The following NKAIN3 variants were observed in gnomAD, a reference collection of about 807,000 sequenced individuals.
NKAIN3 encodes the protein sodium/potassium-transporting ATPase subunit beta-1-interacting protein 3.
In NKAIN3, 25 loss-of-function variants were observed where a neutral mutation model predicts 30.2. The ratio of observed to expected loss-of-function variants is 0.83; its 90% CI spans 0.60 to 1.16. The LOEUF is 1.16. Among genes scored for constraint, NKAIN3 ranks in the 50% most tolerant of loss-of-function variants. NKAIN3 has a pLI of 0.00. For synonymous variants in NKAIN3, 91 were observed against 89.6 expected, an observed-to-expected ratio of 1.02 and a Z score of -0.09; for missense variants, 225 against 254.1, an observed-to-expected ratio of 0.89 and a Z score of 0.78.
intron 1 of NKAIN3, among the ~76,000 whole-genome samples, chr8:62,303,240 TA>T (rs1442096847): frequency 6.7e-6 from 1 of 150,276 alleles, no homozygotes; most frequent in Non-Finnish European, 1.5e-5. Flanking sequence ...TAGATAAACC[TA>T]ATAGCCCTGG....
At chr8:62,401,810 C>A (rs1488443566) in intron 1 of NKAIN3, among the ~76,000 whole-genome samples, 2 of 152,202 alleles carry the variant, frequency 1.3e-5, no homozygotes, top group African/African-American at 4.8e-5. Context: ...CTGAACTGAG[C>A]TTCTAGGGCT....
chr8:62,682,364 C>T (rs1813668818), intron 3 of NKAIN3, among the ~76,000 whole-genome samples: 1 of 152,142 alleles, frequency 6.6e-6, no homozygotes, highest in Non-Finnish European at 1.5e-5. Context: ...CATTTCTGGT[C>T]TCACAGGGGT....
intron 1 of NKAIN3, among the ~76,000 whole-genome samples, chr8:62,558,887 T>C (rs1477965877): frequency 6.6e-6 from 1 of 152,078 alleles, no homozygotes; most frequent in Non-Finnish European, 1.5e-5. Flanking sequence ...TGTTTTTGCT[T>C]TCATACAGTT....
intron 4 of NKAIN3, among the ~76,000 whole-genome samples, chr8:62,871,702 G>C (rs1162558996): frequency 6.6e-6 from 1 of 152,174 alleles, no homozygotes; most frequent in Admixed American, 6.5e-5. Context: ...AGGGAGCAGG[G>C]CATGGAACAG....
intron 4 of NKAIN3, among the ~76,000 whole-genome samples, chr8:62,862,586 G>A (rs1820285000): frequency 6.6e-6 from 1 of 151,950 alleles, no homozygotes; most frequent in South Asian, 2.1e-4. Context: ...CATGAAAAGA[G>A]TACTGAAAAT....
chr8:62,905,214 T>A (rs1321999711), intron 4 of NKAIN3, among the ~76,000 whole-genome samples: 1 of 151,614 alleles, frequency 6.6e-6, no homozygotes, highest in Non-Finnish European at 1.5e-5. Context: ...GGTGAGGGGG[T>A]CATGGGAAAG....
At chr8:62,713,090 T>A (rs1814773865) in intron 3 of NKAIN3, among the ~76,000 whole-genome samples, 1 of 152,154 alleles carries the variant, frequency 6.6e-6, no homozygotes, top group African/African-American at 2.4e-5. Flanking sequence ...GTCTCCTGGG[T>A]CATGCAGGAG....
intron 5 of NKAIN3, among the ~76,000 whole-genome samples, chr8:62,945,327 T>G (rs1773644852): frequency 6.6e-6 from 1 of 152,250 alleles, no homozygotes; most frequent in Admixed American, 6.5e-5. Context: ...AAGTTATTTT[T>G]AAACTACTAC....
chr8:62,347,986 T>A (rs1226185748), intron 1 of NKAIN3, among the ~76,000 whole-genome samples: 1 of 152,036 alleles, frequency 6.6e-6, no homozygotes, highest in Non-Finnish European at 1.5e-5. Context: ...TAAATGAACT[T>A]GAAGATATTA....
intron 4 of NKAIN3, among the ~76,000 whole-genome samples, chr8:62,904,009 G>T (rs1821695908): frequency 6.6e-6 from 1 of 152,192 alleles, no homozygotes; most frequent in Admixed American, 6.5e-5. Flanking sequence ...GGGAAACAGA[G>T]CCAAACCATA....
intron 4 of NKAIN3, among the ~76,000 whole-genome samples, chr8:62,814,777 C>A (rs189392241): frequency 3.3e-5 from 5 of 151,760 alleles, no homozygotes; most frequent in African/African-American, 1.2e-4. Context: ...CAAGAGAAAG[C>A]GGGAAAGATC....
chr8:62,965,633 A>AAAG lies in NKAIN3; in HGVS notation c.*228_*229insGAA, dbSNP rs1823691125. On this transcript the variant is annotated 3_prime_UTR_variant, in exon 7 of 7. Coordinates refer to ENST00000623646, the MANE Select transcript of NKAIN3 (RefSeq NM_001304533.3). ...ACTTGTAAGTTGTAAAAAAAAAAAA[A>AAAG]AAAGAAAAAACAGAATTTGGTTTTA... 2 of 977,892 alleles carry AAAG rather than the reference A, an allele frequency of 2.0e-6. No homozygotes were observed. Among genetic ancestry groups the AAAG allele is most frequent in the Non-Finnish European group, 2.4e-6 (2 of 823,344 alleles). The allele number at this position is 977,892 out of a possible 1,614,324, so 60.6% of individuals were successfully genotyped here.
intron 3 of NKAIN3, among the ~76,000 whole-genome samples, chr8:62,686,785 C>T (rs1320789964): frequency 2.6e-5 from 4 of 152,184 alleles, no homozygotes; most frequent in Non-Finnish European, 5.9e-5. Flanking sequence ...CCCATTACTT[C>T]TTGTGCCTTA....
At chr8:62,459,059 GA>G (rs11373955) in intron 1 of NKAIN3, among the ~76,000 whole-genome samples, 12 of 143,824 alleles carry the variant, frequency 8.3e-5, no homozygotes, top group African/African-American at 2.0e-4. Flanking sequence ...TGTTGTCAGA[GA>G]AAAAAAAAAA....
intron 3 of NKAIN3, among the ~76,000 whole-genome samples, chr8:62,660,522 A>G (rs914849436): frequency 2.6e-5 from 4 of 152,144 alleles, no homozygotes; most frequent in Non-Finnish European, 5.9e-5. Flanking sequence ...AGACCCAGAA[A>G]ACTTCATTGT....
intron 3 of NKAIN3, among the ~76,000 whole-genome samples, chr8:62,620,631 T>A (rs765777530): frequency 6.6e-6 from 1 of 152,160 alleles, no homozygotes; most frequent in African/African-American, 2.4e-5. Context: ...TTATGCTACA[T>A]CTAACACAAA....
intron 2 of NKAIN3, among the ~76,000 whole-genome samples, chr8:62,587,197 A>T (rs1042344466): frequency 6.6e-5 from 10 of 151,900 alleles, no homozygotes; most frequent in African/African-American, 2.2e-4. Flanking sequence ...TCATGATCAG[A>T]TTTGTGTCTC....
In NKAIN3 at chr8:62,933,987, A is replaced by C. The variant is rs142744143; in HGVS notation, c.532+15474A>C. ...AATTACTGAGCTCTTGACAAAGATT[A>C]AGGAATGATTGAGGGCATATCTACT... On this transcript the variant is annotated intron_variant, in intron 5 of 6. Coordinates refer to ENST00000623646, the MANE Select transcript of NKAIN3 (RefSeq NM_001304533.3). Among the ~76,000 whole-genome samples, 135 of 152,366 alleles carry C rather than the reference A, an allele frequency of 8.9e-4. 1 individual carries two copies. The highest frequency in any genetic ancestry group is 3.1e-3 in the African/African-American group (127 of 41,586).
At chr8:62,671,952 C>T (rs531650835) in intron 3 of NKAIN3, among the ~76,000 whole-genome samples, 6 of 152,140 alleles carry the variant, frequency 3.9e-5, no homozygotes, top group Non-Finnish European at 7.4e-5. Context: ...GATTAGCTCA[C>T]ATGCCCACCG....
Sources: gnomAD v4.1 joint callset for allele counts (sites outside exome capture counted in the v4.1 genomes callset) on GRCh38, gnomAD v4.1.1 for gene constraint, MANE v1.5 for transcripts, NCBI Gene and HGNC (gene_info 2026-07-23, HGNC 2026-07-21) for gene names.